MTX2: variants seen among roughly 807,000 people sequenced by gnomAD.
MTX2 encodes metaxin-2.
Under a neutral mutation model 42.3 loss-of-function variants are expected in MTX2, and 35 were observed. That is an observed-to-expected ratio of 0.83 (90% confidence interval 0.63 to 1.10). The LOEUF (loss-of-function observed/expected upper bound fraction) is 1.10. MTX2 is among the 50% of genes least tolerant of loss of function. The pLI, the probability that MTX2 is intolerant of heterozygous loss-of-function variation, is 0.00. For synonymous variants in MTX2, 119 were observed against 100.9 expected (o/e 1.18, Z -1.08); for missense variants, 307 against 304.1 (o/e 1.01, Z -0.07).
At chr2:176,270,064 G>A (rs1280713685) in intron 1 of MTX2, among the ~76,000 whole-genome samples, 3 of 152,166 alleles carry the variant, frequency 2.0e-5, no homozygotes, top group Admixed American at 1.3e-4. Context: ...AAAAGTTTAA[G>A]GTGACTGTCA....
At chr2:176,311,680 A>G (rs1320947069) in intron 3 of MTX2, among the ~76,000 whole-genome samples, 2 of 152,204 alleles carry the variant, frequency 1.3e-5, no homozygotes, top group Non-Finnish European at 2.9e-5. Flanking sequence ...GCAGTGAGCA[A>G]GGCTCTGTGG....
At chr2:176,305,355 A>G (rs901514765) in intron 3 of MTX2, among the ~76,000 whole-genome samples, 10 of 152,008 alleles carry the variant, frequency 6.6e-5, no homozygotes, top group African/African-American at 1.9e-4. Flanking sequence ...GCTCAGAAAA[A>G]GAATATATAT....
chr2:176,310,726 G>T (rs777569336), intron 3 of MTX2, among the ~76,000 whole-genome samples: 9 of 152,076 alleles, frequency 5.9e-5, no homozygotes, highest in African/African-American at 2.2e-4. Context: ...CGAAGTTCTC[G>T]TGCCATGGTT....
chr2:176,318,977 T>G (rs1340632051), intron 3 of MTX2, among the ~76,000 whole-genome samples: 1 of 152,210 alleles, frequency 6.6e-6, no homozygotes, highest in Admixed American at 6.5e-5. Flanking sequence ...AGGAGCCACA[T>G]GTGACTAGTG....
intron 1 of MTX2, among the ~76,000 whole-genome samples, chr2:176,285,206 C>T (rs1407677690): frequency 6.6e-6 from 1 of 152,036 alleles, no homozygotes; most frequent in African/African-American, 2.4e-5. Context: ...CCTCAGTTTT[C>T]TTATTGTAAA....
At position 176,330,670 on chromosome 2, in the gene MTX2, T is replaced by C. The variant is rs1399673718; in HGVS notation, c.620+10T>C. On this transcript the variant is annotated intron_variant, in intron 9 of 9. Coordinates refer to ENST00000249442, the MANE Select transcript of MTX2 (RefSeq NM_006554.5). ...ATTTCTTCAATAAGCAGTAAGAAAT[T>C]TTACTTTTTTAAAGTTAATTTTCTG... 3.8e-6 allele frequency: 6 copies of C among 1,578,818 alleles called. No homozygotes were observed. The highest frequency in any genetic ancestry group is 5.2e-6 in the Non-Finnish European group (6 of 1,158,232).
intron 3 of MTX2, among the ~76,000 whole-genome samples, chr2:176,302,400 TG>T (rs1169013585): frequency 6.6e-6 from 1 of 152,142 alleles, no homozygotes; most frequent in Non-Finnish European, 1.5e-5. Context: ...ATTTTATTTC[TG>T]TTGAATGTAG....
chr2:176,324,947 G>C (rs1684674718), intron 4 of MTX2, among the ~76,000 whole-genome samples: 1 of 151,616 alleles, frequency 6.6e-6, no homozygotes, highest in South Asian at 2.1e-4. Context: ...CTTTGATCTT[G>C]CGGTAGATTT....
intron 1 of MTX2, among the ~76,000 whole-genome samples, chr2:176,276,322 G>T (rs540053146): frequency 6.6e-6 from 1 of 152,104 alleles, no homozygotes; most frequent in Non-Finnish European, 1.5e-5. Flanking sequence ...TCATATTGGC[G>T]GTCTGTTAAT....
intron 3 of MTX2, 53 bp downstream of exon 3, chr2:176,297,948 A>AT: frequency 7.4e-7 from 1 of 1,358,222 alleles, no homozygotes; most frequent in African/African-American, 1.5e-5. Context: ...GGTTTGCATC[A>AT]TTTTGACTTG....
rs115950856 is a variant in MTX2, at chr2:176,324,398, A to T, written c.208+934A>T. Among the ~76,000 whole-genome samples, 880 of 151,770 alleles carry T rather than the reference A, an allele frequency of 5.8e-3. 4 individuals carry two copies. The highest frequency in any genetic ancestry group is 0.02 in the African/African-American group (828 of 41,512). On this transcript the variant is annotated intron_variant, in intron 4 of 9. Transcript: ENST00000249442. ...TACCTGGTTTTAGAGGTTTATGAAT[A>T]TACATTTAGAAAACATTTCCATAAA... is the stretch of plus-strand genomic sequence containing the variant.
At chr2:176,285,637 C>CTT (rs879442676) in intron 1 of MTX2, among the ~76,000 whole-genome samples, 1 of 142,476 alleles carries the variant, frequency 7.0e-6, no homozygotes. Context: ...TTGTGTCTGG[C>CTT]TTTTTTTTTT....
chr2:176,304,925 T>TA (rs990293421), intron 3 of MTX2, among the ~76,000 whole-genome samples: 2 of 152,088 alleles, frequency 1.3e-5, no homozygotes, highest in African/African-American at 4.8e-5. Flanking sequence ...TCATGTGACT[T>TA]ACATAAATTT....
intron 1 of MTX2, among the ~76,000 whole-genome samples, chr2:176,293,632 C>A (rs372276066): frequency 1.3e-5 from 2 of 152,186 alleles, no homozygotes; most frequent in East Asian, 1.9e-4. Context: ...CCTGCTCCCC[C>A]CTTTGCCTTC....
intron 1 of MTX2, among the ~76,000 whole-genome samples, chr2:176,271,599 A>G (rs1159617471): frequency 1.3e-5 from 2 of 152,164 alleles, no homozygotes; most frequent in Admixed American, 1.3e-4. Flanking sequence ...CTGCCATCAG[A>G]TGGACAAAAG....
At chr2:176,305,680 T>C (rs1684125656) in intron 3 of MTX2, among the ~76,000 whole-genome samples, 1 of 152,154 alleles carries the variant, frequency 6.6e-6, no homozygotes, top group South Asian at 2.1e-4. Flanking sequence ...TTTGTTGCTT[T>C]CAGAAATAAC....
chr2:176,292,317 A>T (rs575295147), intron 1 of MTX2, among the ~76,000 whole-genome samples: 1 of 152,360 alleles, frequency 6.6e-6, no homozygotes, highest in African/African-American at 2.4e-5. Context: ...AGGTCAACTG[A>T]AGAAAAACTA....
At position 176,326,825 on chromosome 2, in the gene MTX2, G is replaced by C; in HGVS notation, c.209G>C (p.Gly70Ala). Residue 70 changes from glycine (G) to alanine (A), a missense_variant and splice_region_variant, in exon 5 of 10, where the codon GGT (glycine) becomes GCT (alanine). Coordinates refer to ENST00000249442, the MANE Select transcript of MTX2 (RefSeq NM_006554.5). ...RANAEYMSPSGKVPFIHVGNQ... is the reference protein window; with the variant it reads ...RANAEYMSPSAKVPFIHVGNQ... Reference sequence around the variant, plus strand: ...AAATACTTTTTTTTTCTCTCAACAGGTAAAGTACCTTTTATTCATGTGGGA... The same window carrying C: ...AAATACTTTTTTTTTCTCTCAACAGCTAAAGTACCTTTTATTCATGTGGGA... 1 of 1,547,814 alleles carries C rather than the reference G, an allele frequency of 6.5e-7. No homozygotes were observed. The highest frequency in any genetic ancestry group is 8.8e-7 in the Non-Finnish European group (1 of 1,141,470).
intron 1 of MTX2, among the ~76,000 whole-genome samples, chr2:176,283,921 T>C (rs772181483): frequency 2.6e-5 from 4 of 152,180 alleles, no homozygotes; most frequent in Non-Finnish European, 5.9e-5. Flanking sequence ...TGATCTCATA[T>C]TCATTTTTAG....
Sources: allele counts gnomAD v4.1 joint callset (sites outside exome capture counted in the v4.1 genomes callset), GRCh38; gene constraint gnomAD v4.1.1; transcripts MANE v1.5; gene names NCBI Gene and HGNC (gene_info 2026-07-23, HGNC 2026-07-21).